The following TK1 variants were observed in gnomAD, a reference collection of about 807,000 sequenced individuals.
The protein encoded by TK1 is thymidine kinase 1.
In TK1, 13 loss-of-function variants were observed where a neutral mutation model predicts 22.4. The ratio of observed to expected loss-of-function variants is 0.58; its 90% confidence interval spans 0.38 to 0.92. The LOEUF (loss-of-function observed/expected upper bound fraction) is 0.92, where lower values mean the gene tolerates loss of function less well. Among genes scored for constraint, TK1 ranks in the 40% least tolerant of loss-of-function variants. The pLI is 0.00. For synonymous variants in TK1, 134 were observed against 125.4 expected (o/e 1.07, Z -0.46); for missense variants, 251 against 315.7 (o/e 0.80, Z 1.55).
Position 78,186,937 on chromosome 17 carries a change from G to GC in TK1, c.57dup (p.Gln20AlafsTer50). On this transcript the variant is annotated frameshift_variant, in exon 1 of 7. Transcript: ENST00000301634. LOFTEE classifies it high-confidence loss of function. ...AGGGCTGGCCCCCGCACCTGGATCT[G>GC]CCCCCGGGTCTTGCTGGGGGAGCCA... 7 of 1,570,362 alleles carry GC rather than the reference G, an allele frequency of 4.5e-6. No homozygotes were observed. The highest frequency in any genetic ancestry group is 6.0e-6 in the Non-Finnish European group (7 of 1,157,968).
chr17:78,179,171 G>A (rs1213604747), intron 4 of TK1: 4 of 985,256 alleles, frequency 4.1e-6, no homozygotes, highest in African/African-American at 1.7e-5. Context: ...AACTCACAGC[G>A]GCAGGTCTGA....
At chr17:78,176,100 C>T (rs749362009) in intron 4 of TK1, among the ~76,000 whole-genome samples, 3 of 152,178 alleles carry the variant, frequency 2.0e-5, no homozygotes, top group Admixed American at 2.0e-4. Context: ...AATAGGTGGG[C>T]GCTTTGTGCT....
In TK1 at chr17:78,187,018, C is replaced by A. The variant is rs1258295712; in HGVS notation, c.-24G>T. 40 of 1,588,650 alleles carry A rather than the reference C, an allele frequency of 2.5e-5. No homozygotes were observed. Among genetic ancestry groups the A allele is most frequent in the Non-Finnish European group, 3.4e-5 (40 of 1,167,942 alleles). On this transcript the variant is annotated 5_prime_UTR_variant, in exon 1 of 7. Coordinates refer to ENST00000301634, the MANE Select transcript of TK1 (RefSeq NM_003258.5). ...ATTGCGCCTCCGGGAAGTTCACGAA[C>A]CCGAGTACTCTCCAAGGCCGTCCCG...
intron 4 of TK1, chr17:78,179,285 G>A: frequency 1.0e-6 from 1 of 985,424 alleles, no homozygotes. Flanking sequence ...CACAGTTTGG[G>A]AGCAAAAGAG....
At chr17:78,178,251 G>A (rs2075714904) in intron 4 of TK1, among the ~76,000 whole-genome samples, 1 of 152,212 alleles carries the variant, frequency 6.6e-6, no homozygotes, top group African/African-American at 2.4e-5. Context: ...CTGTGCAGCT[G>A]TTGATGCAAG....
In TK1 at chr17:78,185,026, G is replaced by A. The variant is rs1295677549; in HGVS notation, c.209+29C>T. The stretch of plus-strand genomic sequence containing the variant: ...GTCCTGTGCCTTGTGATTTTCCACT[G>A]GACAGGACTGCAGGGGGCAGGGACT... On this transcript the variant is annotated intron_variant, in intron 3 of 6. Transcript: ENST00000301634. 5.7e-6 allele frequency: 9 copies of A among 1,573,634 alleles called. No homozygotes were observed. In the African/African-American group the frequency reaches 1.1e-4, roughly 19 times the overall value.
intron 3 of TK1, among the ~76,000 whole-genome samples, chr17:78,184,338 G>A (rs1186561649): frequency 6.6e-6 from 1 of 152,204 alleles, no homozygotes; most frequent in African/African-American, 2.4e-5. Context: ...TGAGGCTGAA[G>A]CCCTATAATG....
intron 4 of TK1, chr17:78,179,378 C>A (rs2075723035): frequency 1.0e-6 from 1 of 985,402 alleles, no homozygotes; most frequent in Non-Finnish European, 1.2e-6. Flanking sequence ...ACGACGTCTC[C>A]ACGTACGCAG....
At chr17:78,185,923 T>C (rs1164698570) in intron 2 of TK1, among the ~76,000 whole-genome samples, 2 of 152,156 alleles carry the variant, frequency 1.3e-5, no homozygotes, top group African/African-American at 4.8e-5. Flanking sequence ...GAGCCACATC[T>C]TCCTGAGCAA....
intron 4 of TK1, chr17:78,179,731 C>T (rs185177220): frequency 3.0e-6 from 3 of 985,414 alleles, no homozygotes; most frequent in East Asian, 1.1e-4. Flanking sequence ...GACCTCGAAG[C>T]ACTCACCAAA....
chr17:78,176,643 T>G (rs796155486), intron 4 of TK1, among the ~76,000 whole-genome samples: 2 of 152,206 alleles, frequency 1.3e-5, no homozygotes, highest in African/African-American at 4.8e-5. Flanking sequence ...TCTTTTTCTC[T>G]GAGGACTCAT....
At chr17:78,176,665 A>G (rs1395398216) in intron 4 of TK1, among the ~76,000 whole-genome samples, 1 of 152,152 alleles carries the variant, frequency 6.6e-6, no homozygotes, top group East Asian at 1.9e-4. Flanking sequence ...ACATGTCACG[A>G]AAATGCAGCT....
At chr17:78,184,411 G>A (rs141379964) in intron 3 of TK1, among the ~76,000 whole-genome samples, 248 of 152,356 alleles carry the variant, frequency 1.6e-3, no homozygotes, top group African/African-American at 5.5e-3. Flanking sequence ...ACCAAGCAAA[G>A]CGTCTCAGGC....
chr17:78,185,057 G>A lies in TK1; in HGVS notation c.207C>T (p.Asp69=). ...TRYSSSFCTH[D]RNTMEALPAC... is the part of the protein sequence containing the mutation. The stretch of plus-strand genomic sequence containing the variant: ...GACTGCAGGGGGCAGGGACTGACCG[G>A]TCATGTGTGCAGAAGCTGCTGCTGT... Residue 69 remains aspartate, a splice_region_variant and synonymous_variant, in exon 3 of 7, where the codon GAC becomes GAT. Coordinates refer to ENST00000301634, the MANE Select transcript of TK1 (RefSeq NM_003258.5). 2 of 1,612,788 alleles carry A rather than the reference G, an allele frequency of 1.2e-6. No individual in the cohort carries two copies. The highest frequency in any genetic ancestry group is 1.7e-6 in the Non-Finnish European group (2 of 1,179,522).
intron 4 of TK1, among the ~76,000 whole-genome samples, chr17:78,177,842 G>A (rs1186549417): frequency 6.6e-6 from 1 of 151,142 alleles, no homozygotes; most frequent in African/African-American, 2.4e-5. Context: ...CCAAAGTGTT[G>A]GGATTACAGG....
At chr17:78,187,162 G>T, upstream of TK1, 3 of 925,684 alleles carry the variant, frequency 3.2e-6, no homozygotes, top group South Asian at 2.8e-5. Context: ...CGGGAGATTT[G>T]GCCGCAGCCC....
intron 2 of TK1, 36 bp from the exon 3 acceptor site, chr17:78,185,201 C>G (rs775007859): frequency 1.3e-6 from 2 of 1,564,554 alleles, no homozygotes; most frequent in Non-Finnish European, 1.8e-6. Context: ...AGGTCCACGG[C>G]GGGAGGAGTG....
chr17:78,185,213 G>A lies in TK1; in HGVS notation c.99-48C>T, dbSNP rs200779537. 47 of 1,472,454 alleles carry A rather than the reference G, an allele frequency of 3.2e-5. No homozygotes were observed. The Middle Eastern group carries it at 5.3e-4, about 17-fold the overall frequency. 91.2% of individuals were successfully genotyped at this position (1,472,454 alleles called of 1,614,324 possible). Reference sequence around the variant, plus strand: ...GTGAGGTCCACGGCGGGAGGAGTGGGAGAAGGAGACCCCTCCCCAACAAGC... The same window carrying A: ...GTGAGGTCCACGGCGGGAGGAGTGGAAGAAGGAGACCCCTCCCCAACAAGC... On this transcript the variant is annotated intron_variant, in intron 2 of 6. Coordinates refer to ENST00000301634, the MANE Select transcript of TK1 (RefSeq NM_003258.5).
In TK1 at chr17:78,186,710, A is replaced by AGGGGAGGGG. The variant is rs1567837095; in HGVS notation, c.98+76_98+77insCCCCTCCCC. 101 of 761,042 alleles carry AGGGGAGGGG rather than the reference A, an allele frequency of 1.3e-4. 3 individuals are homozygous for AGGGGAGGGG. The African/African-American group carries it at 3.2e-3, about 24-fold the overall frequency. 47.1% of individuals were successfully genotyped at this position (761,042 alleles called of 1,614,324 possible). ...AAGGGGAGGGGAGGGGAGGGGAGGG[A>AGGGGAGGGG]AGGGGAGGGGAGGGACGGGACAAGG... On this transcript the variant is annotated intron_variant, in intron 2 of 6. Coordinates refer to ENST00000301634, the MANE Select transcript of TK1 (RefSeq NM_003258.5).
Sources: allele counts gnomAD v4.1 joint callset (sites outside exome capture counted in the v4.1 genomes callset), GRCh38; gene constraint gnomAD v4.1.1; transcripts MANE v1.5; gene names NCBI Gene and HGNC (gene_info 2026-07-23, HGNC 2026-07-21).